The following GPRIN2 variants were observed in gnomAD, a reference collection of about 807,000 sequenced individuals.
GPRIN2 encodes G protein regulated inducer of neurite outgrowth 2.
A neutral mutation model predicts 0.3 loss-of-function variants in GPRIN2; 1 was observed. That is an observed-to-expected ratio of 3.90 (90% confidence interval 1.39 to 18.51). The LOEUF (loss-of-function observed/expected upper bound fraction) is 18.51. GPRIN2 is among the 30% of genes most tolerant of loss of function. The pLI, the probability that GPRIN2 is intolerant of heterozygous loss-of-function variation, is 0.11. For missense variants in GPRIN2, 880 were observed against 604.2 expected (o/e 1.46, Z -4.79); for synonymous variants, 361 against 258.6 (o/e 1.40, Z -3.80).
chr10:46,554,642 G>A lies in GPRIN2; in HGVS notation c.-64C>T, dbSNP rs1319321433. On this transcript the variant is annotated 5_prime_UTR_variant, in exon 2 of 3. Transcript: ENST00000374314. Reference sequence around the variant, plus strand: ...CGAAGTTGCTATGGTTGTGGCCGATGTCCCGTGGCCAATGCCAGGCTGTCC... The same window carrying A: ...CGAAGTTGCTATGGTTGTGGCCGATATCCCGTGGCCAATGCCAGGCTGTCC... 2 of 154,138 alleles carry A rather than the reference G, an allele frequency of 1.3e-5. No homozygotes were observed. Among genetic ancestry groups the A allele is most frequent in the African/African-American group, 4.8e-5 (2 of 41,522 alleles). The allele number at this position is 154,138 out of a possible 1,614,324, so 9.5% of individuals were successfully genotyped here. A position where few individuals can be genotyped will look rare whatever the true frequency, so the allele number is the denominator to read the frequency against.
intron 2 of GPRIN2, among the ~76,000 whole-genome samples, chr10:46,552,166 G>A (rs1832140968): frequency 3.3e-5 from 5 of 152,306 alleles, no homozygotes; most frequent in Non-Finnish European, 5.9e-5. Context: ...CAGGCCTGGA[G>A]TGAGAGAAGC....
In GPRIN2 at chr10:46,549,510, C is replaced by A; in HGVS notation, c.1227G>T (p.Lys409Asn). The stretch of plus-strand genomic sequence containing the variant: ...GCTGCTCAAACTGCATCTCCAGGTG[C>A]TTCTGGATGGCCACACCGAGCACCT... ...DLEVLGVAIQ[K>N]HLEMQFEQLQ... Residue 409 changes from lysine (K) to asparagine (N), a missense_variant, in exon 3 of 3, where the codon AAG becomes AAT. Lys to Asn is a moderately conservative substitution (Grantham distance 94). Coordinates refer to ENST00000374314, the MANE Select transcript of GPRIN2 (RefSeq NM_001385282.1). 6.2e-7 allele frequency: 1 copy of A among 1,612,994 alleles called. No homozygotes were observed. The highest frequency in any genetic ancestry group is 8.5e-7 in the Non-Finnish European group (1 of 1,179,264).
At chr10:46,550,955 G>T (rs1842531051) in intron 2 of GPRIN2, among the ~76,000 whole-genome samples, 1 of 152,312 alleles carries the variant, frequency 6.6e-6, no homozygotes, top group East Asian at 1.9e-4. Context: ...GGATGACACT[G>T]CAAATTATCT....
At chr10:46,552,211 G>C (rs1312473811) in intron 2 of GPRIN2, among the ~76,000 whole-genome samples, 1 of 152,312 alleles carries the variant, frequency 6.6e-6, no homozygotes, top group East Asian at 1.9e-4. Context: ...GAGTGGGCAG[G>C]AGGAAAGAGG....
rs1832424581 is a variant in GPRIN2 at position 46,550,279 on chromosome 10, C to T, written c.458G>A (p.Arg153Lys). The change falls in exon 3 of 3, where the codon AGG becomes AAG. Residue 153 changes from arginine (R) to lysine (K), a missense_variant. Transcript: ENST00000374314. ...CSALGSSPVH[R>K]AQLQPGGTSG... ...AGTACCACCTGGCTGCAGCTGAGCC[C>T]TGTGGACAGGGCTGCTGCCAAGGGC... 3 of 1,612,786 alleles carry T rather than the reference C, an allele frequency of 1.9e-6. No individual in the cohort carries two copies. The East Asian group carries it at 6.7e-5, about 36-fold the overall frequency.
chr10:46,547,943 T>C lies in GPRIN2; in HGVS notation c.*1417A>G, dbSNP rs1842318793. On this transcript the variant is annotated 3_prime_UTR_variant, in exon 3 of 3. Coordinates refer to ENST00000374314, the MANE Select transcript of GPRIN2 (RefSeq NM_001385282.1). The stretch of plus-strand genomic sequence containing the variant: ...TGAAATGCCACTCCTGCTTTACAAA[T>C]TCACCAACTGTTGCATGAGTCATTT... Among the ~76,000 whole-genome samples the C allele has an allele frequency of 6.6e-6, 1 of 152,306 alleles. No individual in the cohort carries two copies. The highest frequency in any genetic ancestry group is 6.5e-5 in the Admixed American group (1 of 15,294).
Position 46,549,365 on chromosome 10 carries a change from C to A in GPRIN2, c.1372G>T (p.Glu458Ter). ...SCCGCSGAAP[E>*] ...GCTCCAAGGGCCACAGCTCCTCACT[C>A]GGGGGCCGCGCCGGAGCAGCCGCAG... Residue 458 changes from glutamate (E) to a stop codon, truncating the protein, a stop_gained, in exon 3 of 3, where the codon GAG becomes TAG. Transcript: ENST00000374314. LOFTEE classifies it high-confidence loss of function. The A allele has an allele frequency of 2.0e-6, 3 of 1,474,154 alleles. No individual in the cohort carries two copies. Among genetic ancestry groups the A allele is most frequent in the South Asian group, 2.9e-5 (2 of 70,068 alleles). 91.3% of individuals were successfully genotyped at this position (1,474,154 alleles called of 1,614,324 possible).
intron 2 of GPRIN2, among the ~76,000 whole-genome samples, chr10:46,554,015 C>T (rs1335283594): frequency 2.0e-5 from 3 of 152,306 alleles, no homozygotes; most frequent in East Asian, 1.9e-4. Flanking sequence ...CCTTCCTGTG[C>T]ATGTACTCAC....
At chr10:46,557,485 C>G (rs898130637), upstream of GPRIN2, among the ~76,000 whole-genome samples, 1 of 152,312 alleles carries the variant, frequency 6.6e-6, no homozygotes, top group Non-Finnish European at 1.5e-5. Context: ...GACTTGAGGC[C>G]TTCAGTCTCC....
Position 46,549,387 on chromosome 10 carries a change from G to T in GPRIN2, c.1350C>A (p.Cys450Ter). Reference sequence around the variant, plus strand: ...ACTCGGGGGCCGCGCCGGAGCAGCCGCAGCAGCTGGGGCGCCGCAGGGACT... The same window carrying T: ...ACTCGGGGGCCGCGCCGGAGCAGCCTCAGCAGCTGGGGCGCCGCAGGGACT... ...VMQSLRRPSCCGCSGAAPE is the reference protein window; with the variant it reads ...VMQSLRRPSC Residue 450 changes from cysteine to a stop codon, truncating the protein, a stop_gained, in exon 3 of 3, where the codon TGC becomes TGA. Coordinates refer to ENST00000374314, the MANE Select transcript of GPRIN2 (RefSeq NM_001385282.1). LOFTEE classifies it high-confidence loss of function. 2 of 1,492,084 alleles carry T rather than the reference G, an allele frequency of 1.3e-6. No individual in the cohort carries two copies. Among genetic ancestry groups the T allele is most frequent in the African/African-American group, 1.4e-5 (1 of 71,198 alleles). The allele number at this position is 1,492,084 out of a possible 1,614,324, so 92.4% of individuals were successfully genotyped here. A position where few individuals can be genotyped will look rare whatever the true frequency, so the allele number is the denominator to read the frequency against.
At chr10:46,557,533 G>A (rs1217475941), upstream of GPRIN2, among the ~76,000 whole-genome samples, 6 of 152,412 alleles carry the variant, frequency 3.9e-5, no homozygotes, top group Middle Eastern at 6.8e-3. Flanking sequence ...GGCAGTGACC[G>A]TGCGGGGATG....
In GPRIN2 at chr10:46,549,822, C is replaced by T. The variant is rs1832580705; in HGVS notation, c.915G>A (p.Glu305=). Residue 305 remains glutamate, a synonymous_variant, in exon 3 of 3, where the codon GAG becomes GAA. Transcript: ENST00000374314. ...HLWGPAGLVP[E]PGSRTKDVWT... is the part of the protein sequence containing the mutation. ...ACACATCTTTGGTCCTAGAGCCAGG[C>T]TCTGGGACTAACCCAGCGGGACCCC... is the stretch of plus-strand genomic sequence containing the variant. 1.2e-4 allele frequency: 189 copies of T among 1,614,072 alleles called. No individual in the cohort carries two copies. Among genetic ancestry groups the T allele is most frequent in the Non-Finnish European group, 1.6e-4 (184 of 1,179,914 alleles).
At chr10:46,551,251 G>A (rs1842569723) in intron 2 of GPRIN2, among the ~76,000 whole-genome samples, 1 of 152,308 alleles carries the variant, frequency 6.6e-6, no homozygotes, top group Admixed American at 6.5e-5. Flanking sequence ...ACTCACTGTG[G>A]ACAGGGTCTC....
chr10:46,555,913 C>T (rs533766650), intron 1 of GPRIN2, among the ~76,000 whole-genome samples: 1 of 152,310 alleles, frequency 6.6e-6, no homozygotes, highest in Admixed American at 6.5e-5. Flanking sequence ...ACAGGCCGCC[C>T]CTGCTGCGGG....
rs1841932417 is a variant in GPRIN2, at chr10:46,543,883, A to G, written c.*5477T>C. Among the ~76,000 whole-genome samples, 1 of 152,226 alleles carries G rather than the reference A, an allele frequency of 6.6e-6. No homozygotes were observed. The highest frequency in any genetic ancestry group is 1.5e-5 in the Non-Finnish European group (1 of 68,054). On this transcript the variant is annotated 3_prime_UTR_variant, in exon 3 of 3. Coordinates refer to ENST00000374314, the MANE Select transcript of GPRIN2 (RefSeq NM_001385282.1). ...GCACAAGTGAGCAAAGGCGGCATTC[A>G]CCCAACTCTTGGGACAAGGCAGTCA...
In GPRIN2 at chr10:46,545,218, G is replaced by A. The variant is rs1842051169; in HGVS notation, c.*4142C>T. Among the ~76,000 whole-genome samples the A allele has an allele frequency of 6.6e-6, 1 of 152,308 alleles. No homozygotes were observed. Among genetic ancestry groups the A allele is most frequent in the Admixed American group, 6.5e-5 (1 of 15,294 alleles). On this transcript the variant is annotated 3_prime_UTR_variant, in exon 3 of 3. Coordinates refer to ENST00000374314, the MANE Select transcript of GPRIN2 (RefSeq NM_001385282.1). ...CCAGATGCCTGTGACTCCCTCTGGT[G>A]GTTTCTGTGCACAACTTCCCCCAAA... is the stretch of plus-strand genomic sequence containing the variant.
Position 46,549,208 on chromosome 10 carries a change from G to C in GPRIN2, c.*152C>G, listed in dbSNP as rs1300813456. On this transcript the variant is annotated 3_prime_UTR_variant, in exon 3 of 3. Coordinates refer to ENST00000374314, the MANE Select transcript of GPRIN2 (RefSeq NM_001385282.1). ...AGCTGTGTAGGGCCGGAAGCCCCAG[G>C]CTGCAGTCCTGTGGTCTGGAGGCAG... is the stretch of plus-strand genomic sequence containing the variant. 3 of 1,033,046 alleles carry C rather than the reference G, an allele frequency of 2.9e-6. No homozygotes were observed. The highest frequency in any genetic ancestry group is 4.0e-6 in the Non-Finnish European group (3 of 753,192). The allele number at this position is 1,033,046 out of a possible 1,614,324, so 64.0% of individuals were successfully genotyped here.
rs1375779244 is a variant in GPRIN2 at position 46,543,962 on chromosome 10, G to T, written c.*5398C>A. Among the ~76,000 whole-genome samples, 1 of 151,928 alleles carries T rather than the reference G, an allele frequency of 6.6e-6. No homozygotes were observed. Among genetic ancestry groups the T allele is most frequent in the Non-Finnish European group, 1.5e-5 (1 of 68,026 alleles). ...GGCCCACGTCACTTTGGTTTCGCTT[G>T]TTTTTTTTTTTAGTAAACATCAGCT... On this transcript the variant is annotated 3_prime_UTR_variant, in exon 3 of 3. Coordinates refer to ENST00000374314, the MANE Select transcript of GPRIN2 (RefSeq NM_001385282.1).
chr10:46,545,027 AAGG>A lies in GPRIN2; in HGVS notation c.*4330_*4332del, dbSNP rs1239420757. Among the ~76,000 whole-genome samples, 3 of 152,308 alleles carry A rather than the reference AAGG, an allele frequency of 2.0e-5. No individual in the cohort carries two copies. The highest frequency in any genetic ancestry group is 7.2e-5 in the African/African-American group (3 of 41,486). On this transcript the variant is annotated 3_prime_UTR_variant, in exon 3 of 3. Transcript: ENST00000374314. ...AAAACCAGGCCAGGCCAGAATGAAA[AAGG>A]AGAAGGAATTTAACATGGGCAAATG...
Sources: gnomAD v4.1 joint callset for allele counts (sites outside exome capture counted in the v4.1 genomes callset) on GRCh38, gnomAD v4.1.1 for gene constraint, MANE v1.5 for transcripts, NCBI Gene and HGNC (gene_info 2026-07-23, HGNC 2026-07-21) for gene names.